KIAA1217: variants seen among roughly 807,000 people sequenced by gnomAD.
The protein encoded by KIAA1217 is sickle tail protein homolog.
Under a neutral mutation model 163.9 loss-of-function variants are expected in KIAA1217, and 88 were observed. The ratio of observed to expected loss-of-function variants is 0.54; its 90% CI spans 0.45 to 0.64. The LOEUF (loss-of-function observed/expected upper bound fraction) is 0.64, where lower values mean the gene tolerates loss of function less well. Among genes scored for constraint, KIAA1217 ranks in the 30% least tolerant of loss-of-function variants. The pLI, the probability that KIAA1217 is intolerant of heterozygous loss-of-function variation, is 0.00. For synonymous variants in KIAA1217, 903 were observed against 923.1 expected, an observed-to-expected ratio of 0.98 and a Z score of 0.39; for missense variants, 2,372 against 2,475.0, an observed-to-expected ratio of 0.96 and a Z score of 0.88.
At chr10:23,907,263 G>A (rs1842199428) in intron 1 of KIAA1217, among the ~76,000 whole-genome samples, 1 of 151,594 alleles carries the variant, frequency 6.6e-6, no homozygotes, top group South Asian at 2.1e-4. Context: ...ATTAGTCAGG[G>A]TTCTGCAGAG....
chr10:24,235,765 T>G (rs959998073), intron 2 of KIAA1217, among the ~76,000 whole-genome samples: 7 of 152,132 alleles, frequency 4.6e-5, no homozygotes, highest in African/African-American at 1.7e-4. Context: ...TACCCCAGAC[T>G]CCAGTACCGT....
At chr10:24,526,853 G>A (rs1046542839) in intron 13 of KIAA1217, among the ~76,000 whole-genome samples, 1 of 152,116 alleles carries the variant, frequency 6.6e-6, no homozygotes, top group African/African-American at 2.4e-5. Flanking sequence ...ATAAAGGAGG[G>A]TTAGAATGGT....
At position 24,209,143 on chromosome 10, in the gene KIAA1217, T is replaced by C; in HGVS notation, c.-51T>C. 3.9e-6 allele frequency: 6 copies of C among 1,544,886 alleles called. No individual in the cohort carries two copies. Among genetic ancestry groups the C allele is most frequent in the Non-Finnish European group, 3.6e-6 (4 of 1,122,824 alleles). ...GGCGCTTTCTGGGAGCTTTTAGAAC[T>C]GCGCTCTGAAGTTTCCAGAGAGCGA... On this transcript the variant is annotated 5_prime_UTR_variant, in exon 1 of 21. Coordinates refer to ENST00000376454, the MANE Select transcript of KIAA1217 (RefSeq NM_019590.5).
chr10:24,199,006 G>A (rs10764455), intron 2 of KIAA1217, among the ~76,000 whole-genome samples: 4,198 of 152,244 alleles, frequency 0.028, 162 homozygotes, highest in African/African-American at 0.085. Flanking sequence ...ACCAGGTGAG[G>A]CAAGGAATTC....
chr10:24,347,371 A>C (rs1404233402), intron 2 of KIAA1217, among the ~76,000 whole-genome samples: 3 of 152,198 alleles, frequency 2.0e-5, no homozygotes, highest in Non-Finnish European at 2.9e-5. Context: ...GTGGGACTGG[A>C]AGGAGCCATT....
At chr10:24,446,793 C>T (rs761254156) in intron 5 of KIAA1217, among the ~76,000 whole-genome samples, 3 of 152,172 alleles carry the variant, frequency 2.0e-5, no homozygotes, top group African/African-American at 7.2e-5. Context: ...TTATTATTCT[C>T]CTGTTTCAGA....
chr10:24,421,906 C>T (rs1013900598), intron 3 of KIAA1217, among the ~76,000 whole-genome samples: 9 of 152,154 alleles, frequency 5.9e-5, no homozygotes, highest in African/African-American at 2.2e-4. Context: ...AATGTAAAAT[C>T]CCTTCTTATT....
At chr10:23,989,178 A>C (rs2131432703) in intron 1 of KIAA1217, among the ~76,000 whole-genome samples, 1 of 152,344 alleles carries the variant, frequency 6.6e-6, no homozygotes, top group South Asian at 2.1e-4. Flanking sequence ...GCTTTGCAGA[A>C]ATAAGCAACA....
At chr10:23,744,760 C>G (rs1839304552) in intron 1 of KIAA1217, among the ~76,000 whole-genome samples, 1 of 152,134 alleles carries the variant, frequency 6.6e-6, no homozygotes, top group Non-Finnish European at 1.5e-5. Flanking sequence ...ATAATTGGCT[C>G]ACATGATTAT....
intron 5 of KIAA1217, among the ~76,000 whole-genome samples, chr10:24,448,706 C>T (rs895799574): frequency 1.3e-5 from 2 of 152,072 alleles, no homozygotes; most frequent in Non-Finnish European, 2.9e-5. Context: ...TAGATTGAGT[C>T]GATAGTCAGT....
intron 2 of KIAA1217, among the ~76,000 whole-genome samples, chr10:24,050,445 C>T (rs763464638): frequency 6.6e-5 from 10 of 152,168 alleles, no homozygotes; most frequent in Non-Finnish European, 1.2e-4. Context: ...TTAGGTCTTA[C>T]ATTTAAGCCT....
At chr10:24,434,075 C>T (rs1051060798) in intron 4 of KIAA1217, among the ~76,000 whole-genome samples, 17 of 138,720 alleles carry the variant, frequency 1.2e-4, no homozygotes, top group Non-Finnish European at 2.2e-4. Flanking sequence ...CTTGCTCTTT[C>T]GCCCAGGCTG....
At chr10:23,919,251 T>C (rs1842752693) in intron 1 of KIAA1217, among the ~76,000 whole-genome samples, 1 of 151,896 alleles carries the variant, frequency 6.6e-6, no homozygotes, top group African/African-American at 2.4e-5. Flanking sequence ...TTTTTTAAGT[T>C]ATTTATTTCT....
At chr10:24,520,659 T>A (rs1330177274) in intron 11 of KIAA1217, among the ~76,000 whole-genome samples, 91 of 79,876 alleles carry the variant, frequency 1.1e-3, no homozygotes, top group African/African-American at 4.7e-3. Flanking sequence ...AAAATATATA[T>A]ATATATATAT....
chr10:23,972,257 A>T (rs1845345390), intron 1 of KIAA1217, among the ~76,000 whole-genome samples: 1 of 152,266 alleles, frequency 6.6e-6, no homozygotes, highest in African/African-American at 2.4e-5. Flanking sequence ...CAATCCCATT[A>T]CTGGGTATAT....
chr10:23,808,368 A>G (rs1836840323), intron 1 of KIAA1217, among the ~76,000 whole-genome samples: 1 of 152,224 alleles, frequency 6.6e-6, no homozygotes, highest in African/African-American at 2.4e-5. Context: ...AAATAATAGA[A>G]TAATCAGAAA....
At chr10:24,029,207 A>G (rs546826899) in intron 2 of KIAA1217, among the ~76,000 whole-genome samples, 1 of 152,268 alleles carries the variant, frequency 6.6e-6, no homozygotes, top group East Asian at 1.9e-4. Flanking sequence ...TCAAAAACAG[A>G]CCTTAAGGAC....
intron 2 of KIAA1217, among the ~76,000 whole-genome samples, chr10:24,301,514 G>T: frequency 6.6e-6 from 1 of 152,130 alleles, no homozygotes; most frequent in Middle Eastern, 3.4e-3. Context: ...AGGGCCCCAC[G>T]CACCTTCTAA....
intron 1 of KIAA1217, among the ~76,000 whole-genome samples, chr10:23,969,938 A>G (rs1376846919): frequency 2.6e-5 from 4 of 152,174 alleles, no homozygotes; most frequent in Non-Finnish European, 5.9e-5. Flanking sequence ...AGCAGGCAAG[A>G]GAGAGAATGA....
Sources: gnomAD v4.1 joint callset for allele counts (sites outside exome capture counted in the v4.1 genomes callset) on GRCh38, gnomAD v4.1.1 for gene constraint, MANE v1.5 for transcripts, NCBI Gene and HGNC (gene_info 2026-07-23, HGNC 2026-07-21) for gene names.